IFT20: variants seen among roughly 807,000 people sequenced by gnomAD.
IFT20 encodes the protein intraflagellar transport 20.
In IFT20, 4 loss-of-function variants were observed where a neutral mutation model predicts 16.9. That is an observed-to-expected ratio of 0.24 (90% CI 0.12 to 0.54). The LOEUF is 0.54. IFT20 is among the 20% of genes least tolerant of loss of function. The pLI, the probability that IFT20 is intolerant of heterozygous loss-of-function variation, is 0.95. For missense variants in IFT20, 154 were observed against 149.7 expected, an observed-to-expected ratio of 1.03 and a Z score of -0.15; for synonymous variants, 48 against 49.9, an observed-to-expected ratio of 0.96 and a Z score of 0.16.
Position 28,328,488 on chromosome 17 carries a change from C to A in IFT20, c.*164G>T. 1 of 634,404 alleles carries A rather than the reference C, an allele frequency of 1.6e-6. No homozygotes were observed. Among genetic ancestry groups the A allele is most frequent in the Non-Finnish European group, 2.8e-6 (1 of 354,092 alleles). 39.3% of individuals were successfully genotyped at this position (634,404 alleles called of 1,614,324 possible). A position where few individuals can be genotyped will look rare whatever the true frequency, so the allele number is the denominator to read the frequency against. ...AGCTGTGCACTGATGTTAAAACTGG[C>A]TCCCCCAGACTTGTAGTGCTGTCTT... On this transcript the variant is annotated 3_prime_UTR_variant, in exon 5 of 5. Transcript: ENST00000395418.
At chr17:28,329,020 T>C in intron 4 of IFT20, 153 bp downstream of exon 4, 1 of 639,662 alleles carries the variant, frequency 1.6e-6, no homozygotes. Context: ...TCAAATGTAA[T>C]TTTATTTTTT....
In IFT20 at chr17:28,330,461, T is replaced by G; in HGVS notation, c.195A>C (p.Ala65=). The G allele has an allele frequency of 6.2e-7, 1 of 1,613,648 alleles. No homozygotes were observed. The highest frequency in any genetic ancestry group is 8.5e-7 in the Non-Finnish European group (1 of 1,179,526). The change falls in exon 3 of 5, where the codon GCA becomes GCC. Residue 65 remains alanine (A), a synonymous_variant. Transcript: ENST00000395418. ...IELVDQLAKE[A]ENEKMKAIGA... The stretch of plus-strand genomic sequence containing the variant: ...ATCTTACCTTCATCTTTTCATTTTC[T>G]GCTTCTTTTGCAAGTTGATCAACAA...
intron 3 of IFT20, chr17:28,330,134 G>A (rs1906651183): frequency 1.6e-6 from 1 of 623,910 alleles, no homozygotes; most frequent in Admixed American, 2.8e-5. Flanking sequence ...TACTCGGGAG[G>A]GTGAGGTGGG....
At chr17:28,330,624 CCT>C in intron 2 of IFT20, 96 bp from the exon 3 acceptor site, 1 of 822,326 alleles carries the variant, frequency 1.2e-6, no homozygotes, top group Non-Finnish European at 2.0e-6. Flanking sequence ...GCGGACTGCC[CCT>C]TCTAATTTGT....
At chr17:28,330,027 T>A in intron 3 of IFT20, 1 of 487,382 alleles carries the variant, frequency 2.1e-6, no homozygotes, top group East Asian at 3.3e-5. Flanking sequence ...ACCATTGCAC[T>A]CCAGCCTGGG....
chr17:28,331,925 C>T lies in IFT20; in HGVS notation c.61G>A (p.Val21Met), dbSNP rs1247390444. The T allele has an allele frequency of 1.9e-6, 3 of 1,614,112 alleles. No individual in the cohort carries two copies. The highest frequency in any genetic ancestry group is 1.3e-5 in the African/African-American group (1 of 74,928). ...LHFDELNKLR[V>M]LDPEVTQQTI... ...TGCTGGGTAACCTCTGGGTCCAACA[C>T]CCTCAGCTTGTTCAGTTCATCAAAG... Residue 21 changes from valine to methionine, a missense_variant, in exon 2 of 5, where the codon GTG becomes ATG. By Grantham distance (21) the Val-to-Met change is conservative. Coordinates refer to ENST00000395418, the MANE Select transcript of IFT20 (RefSeq NM_001267776.2).
At chr17:28,333,737 C>A (rs781846199) in intron 1 of IFT20, among the ~76,000 whole-genome samples, 7 of 152,148 alleles carry the variant, frequency 4.6e-5, no homozygotes, top group Non-Finnish European at 1.0e-4. Context: ...CTGAAACCAG[C>A]CTGGGCAATG....
At chr17:28,333,288 T>C (rs1906918147) in intron 1 of IFT20, among the ~76,000 whole-genome samples, 1 of 152,222 alleles carries the variant, frequency 6.6e-6, no homozygotes, top group Non-Finnish European at 1.5e-5. Flanking sequence ...CCCTTCTGGC[T>C]TCCTTAGAGA....
chr17:28,333,157 C>T (rs2142373676), intron 1 of IFT20, among the ~76,000 whole-genome samples: 1 of 151,534 alleles, frequency 6.6e-6, no homozygotes, highest in East Asian at 2.0e-4. Flanking sequence ...GGCAATGCTA[C>T]TTACATCTAG....
chr17:28,331,356 CT>C (rs1906766195), intron 2 of IFT20: 1 of 159,760 alleles, frequency 6.3e-6, no homozygotes, highest in Non-Finnish European at 1.4e-5. Flanking sequence ...CTAGATCTGG[CT>C]CTGTACGGGC....
chr17:28,328,863 G>GAA (rs1236835364), intron 4 of IFT20, 130 bp from the exon 5 acceptor site: 3 of 710,198 alleles, frequency 4.2e-6, no homozygotes, highest in African/African-American at 3.6e-5. Flanking sequence ...AAGAAAGAAA[G>GAA]AGGCAAAGCC....
chr17:28,331,587 G>C (rs564917235), intron 2 of IFT20: 62 of 423,446 alleles, frequency 1.5e-4, no homozygotes, highest in African/African-American at 1.1e-3. Flanking sequence ...TTCCCAGAAA[G>C]TTTAAGGTTT....
At chr17:28,332,660 G>C (rs1555576772) in intron 1 of IFT20, 1 of 156,982 alleles carries the variant, frequency 6.4e-6, no homozygotes, top group East Asian at 1.9e-4. Context: ...AAAGTCAGGA[G>C]TAAGAATATT....
intron 3 of IFT20, chr17:28,329,612 T>C (rs1470009368): frequency 9.2e-6 from 2 of 218,036 alleles, no homozygotes; most frequent in Admixed American, 1.1e-4. Flanking sequence ...GATAAGACCA[T>C]CTACATCAGT....
intron 2 of IFT20, among the ~76,000 whole-genome samples, chr17:28,330,932 C>T (rs907240361): frequency 2.6e-5 from 4 of 152,228 alleles, no homozygotes; most frequent in South Asian, 4.1e-4. Flanking sequence ...CTATGACCTC[C>T]GGCTATGAAA....
At chr17:28,329,438 A>G (rs1197715398) in intron 3 of IFT20, 162 bp from the exon 4 acceptor site, 2 of 595,316 alleles carry the variant, frequency 3.4e-6, no homozygotes, top group African/African-American at 3.7e-5. Flanking sequence ...TAACCTACTG[A>G]TCACAAAGTG....
chr17:28,332,316 C>G, intron 1 of IFT20: 1 of 988,238 alleles, frequency 1.0e-6, no homozygotes, highest in Non-Finnish European at 1.5e-6. Flanking sequence ...CATGCCAACA[C>G]TGCTAGATGC....
chr17:28,330,864 G>A (rs1346948731), intron 2 of IFT20, among the ~76,000 whole-genome samples: 1 of 152,216 alleles, frequency 6.6e-6, no homozygotes, highest in Non-Finnish European at 1.5e-5. Flanking sequence ...CTAGAGAAGG[G>A]TGGCCAGCTG....
At chr17:28,335,205 G>C (rs1283522456) in intron 1 of IFT20, 135 bp downstream of exon 1, 1 of 152,246 alleles carries the variant, frequency 6.6e-6, no homozygotes, top group Non-Finnish European at 1.5e-5. Flanking sequence ...AGCTGGGTGT[G>C]AAAGCGCCCC....
Sources: gnomAD v4.1 joint callset for allele counts (sites outside exome capture counted in the v4.1 genomes callset) on GRCh38, gnomAD v4.1.1 for gene constraint, MANE v1.5 for transcripts, NCBI Gene and HGNC (gene_info 2026-07-23, HGNC 2026-07-21) for gene names.